The following PPM1L variants were observed in gnomAD, a reference collection of about 807,000 sequenced individuals.
The protein encoded by PPM1L is protein phosphatase 1L.
Under a neutral mutation model 31.4 loss-of-function variants are expected in PPM1L, and 13 were observed. That is an observed-to-expected ratio of 0.41 (90% CI 0.27 to 0.66). The LOEUF (loss-of-function observed/expected upper bound fraction) is 0.66, where lower values mean the gene tolerates loss of function less well. Ranked by LOEUF, PPM1L falls within the 30% of genes least tolerant of loss-of-function variation. PPM1L has a pLI of 0.29. For synonymous variants in PPM1L, 184 were observed against 175.4 expected (o/e 1.05, Z -0.39); for missense variants, 326 against 453.7 (o/e 0.72, Z 2.56).
chr3:160,809,664 T>C lies in PPM1L; in HGVS notation c.399+52957T>C, dbSNP rs1055443192. Among the ~76,000 whole-genome samples the C allele has an allele frequency of 3.3e-5, 5 of 152,150 alleles. No homozygotes were observed. The East Asian group carries it at 7.7e-4, about 23-fold the overall frequency. The stretch of plus-strand genomic sequence containing the variant: ...CCAAGTATGACATCATTACTAGATA[T>C]AGCACTTGTGTCCTTGCTTGCTCTT... On this transcript the variant is annotated intron_variant, in intron 1 of 3. Coordinates refer to ENST00000498165, the MANE Select transcript of PPM1L (RefSeq NM_139245.4).
intron 2 of PPM1L, among the ~76,000 whole-genome samples, chr3:160,964,134 G>A (rs1716058180): frequency 6.6e-6 from 1 of 151,952 alleles, no homozygotes. Flanking sequence ...TTTGGACCTT[G>A]TCTATCCCTT....
At chr3:161,042,358 A>G (rs9858335) in intron 2 of PPM1L, among the ~76,000 whole-genome samples, 66,955 of 152,050 alleles carry the variant, frequency 0.44, 15,897 homozygotes, top group East Asian at 0.68. Flanking sequence ...CCAGCCTAGC[A>G]AGCAGATGAG....
intron 1 of PPM1L, among the ~76,000 whole-genome samples, chr3:160,860,296 C>G (rs1273156986): frequency 6.6e-6 from 1 of 152,196 alleles, no homozygotes; most frequent in Non-Finnish European, 1.5e-5. Flanking sequence ...AGTACAAACT[C>G]CTGACTCACC....
chr3:160,974,977 A>G (rs1224168674), intron 2 of PPM1L, among the ~76,000 whole-genome samples: 2 of 151,420 alleles, frequency 1.3e-5, no homozygotes, highest in East Asian at 1.9e-4. Flanking sequence ...TAATGCCTAG[A>G]TTTTCTTCTA....
chr3:161,038,404 T>C (rs2108087059), intron 2 of PPM1L, among the ~76,000 whole-genome samples: 1 of 151,804 alleles, frequency 6.6e-6, no homozygotes, highest in East Asian at 1.9e-4. Context: ...CTCAAACTTC[T>C]GGACTCAACC....
At chr3:160,979,587 C>T (rs1716727020) in intron 2 of PPM1L, among the ~76,000 whole-genome samples, 1 of 151,926 alleles carries the variant, frequency 6.6e-6, no homozygotes, top group African/African-American at 2.4e-5. Flanking sequence ...CAATGACCTG[C>T]TATATGTAAA....
At chr3:160,934,348 T>G (rs530963102) in intron 1 of PPM1L, among the ~76,000 whole-genome samples, 1 of 152,248 alleles carries the variant, frequency 6.6e-6, no homozygotes, top group Non-Finnish European at 1.5e-5. Flanking sequence ...ACACATTCAG[T>G]GTTTGCTTGC....
intron 2 of PPM1L, among the ~76,000 whole-genome samples, chr3:161,047,721 A>T (rs1719130363): frequency 1.3e-5 from 2 of 152,366 alleles, no homozygotes; most frequent in South Asian, 4.1e-4. Context: ...ACAGCCTGGT[A>T]TTGATACCAA....
chr3:161,064,133 C>T (rs530653107), intron 2 of PPM1L, among the ~76,000 whole-genome samples: 1 of 151,028 alleles, frequency 6.6e-6, no homozygotes, highest in East Asian at 2.0e-4. Flanking sequence ...ACATGTATAC[C>T]TATGTAACAA....
chr3:160,804,272 C>T (rs1288381790), intron 1 of PPM1L, among the ~76,000 whole-genome samples: 1 of 152,088 alleles, frequency 6.6e-6, no homozygotes, highest in African/African-American at 2.4e-5. Flanking sequence ...AAACCTCCTC[C>T]CTGTCAAAGA....
At chr3:160,966,951 C>T (rs1716169549) in intron 2 of PPM1L, among the ~76,000 whole-genome samples, 1 of 151,966 alleles carries the variant, frequency 6.6e-6, no homozygotes. Context: ...GTGTATTAAT[C>T]CAGTCAGCCT....
chr3:160,812,898 C>A (rs1712853093), intron 1 of PPM1L, among the ~76,000 whole-genome samples: 1 of 152,124 alleles, frequency 6.6e-6, no homozygotes, highest in South Asian at 2.1e-4. Flanking sequence ...TCCTTGCCAA[C>A]CTTATAATAA....
At chr3:160,801,906 C>G (rs547118481) in intron 1 of PPM1L, among the ~76,000 whole-genome samples, 2 of 152,214 alleles carry the variant, frequency 1.3e-5, no homozygotes, top group Admixed American at 1.3e-4. Flanking sequence ...GCATTCCTTC[C>G]TGTTTCTTCT....
At chr3:160,790,781 G>A (rs1053441995) in intron 1 of PPM1L, among the ~76,000 whole-genome samples, 5 of 152,102 alleles carry the variant, frequency 3.3e-5, no homozygotes, top group Admixed American at 2.0e-4. Context: ...GGGAAGACCA[G>A]CAATATCTGG....
chr3:160,942,937 A>G (rs917316245), intron 1 of PPM1L, among the ~76,000 whole-genome samples: 1 of 152,044 alleles, frequency 6.6e-6, no homozygotes, highest in African/African-American at 2.4e-5. Flanking sequence ...CTTACACTCT[A>G]CCTATCTGAA....
At chr3:161,027,778 C>A (rs1718450133) in intron 2 of PPM1L, among the ~76,000 whole-genome samples, 1 of 152,114 alleles carries the variant, frequency 6.6e-6, no homozygotes, top group Non-Finnish European at 1.5e-5. Context: ...CCAGGTGAAT[C>A]TTATGTACAT....
At chr3:160,943,360 T>C (rs1220640866) in intron 1 of PPM1L, among the ~76,000 whole-genome samples, 1 of 152,176 alleles carries the variant, frequency 6.6e-6, no homozygotes, top group African/African-American at 2.4e-5. Flanking sequence ...GAGGTTAAAA[T>C]AATTTTTCAT....
At chr3:160,963,198 A>T (rs1021941667) in intron 2 of PPM1L, among the ~76,000 whole-genome samples, 4 of 152,042 alleles carry the variant, frequency 2.6e-5, no homozygotes, top group Admixed American at 1.3e-4. Context: ...TGACCATTTT[A>T]TGGTGAGAAA....
At chr3:160,959,394 T>C (rs1310276355) in intron 1 of PPM1L, among the ~76,000 whole-genome samples, 1 of 152,098 alleles carries the variant, frequency 6.6e-6, no homozygotes, top group Non-Finnish European at 1.5e-5. Context: ...AAATCACCAC[T>C]AAAGAACTTA....
Sources: gnomAD v4.1 joint callset for allele counts (sites outside exome capture counted in the v4.1 genomes callset) on GRCh38, gnomAD v4.1.1 for gene constraint, MANE v1.5 for transcripts, NCBI Gene and HGNC (gene_info 2026-07-23, HGNC 2026-07-21) for gene names.